The following THSD7B variants were observed in gnomAD, a reference collection of about 807,000 sequenced individuals.
The protein encoded by THSD7B is thrombospondin type 1 domain containing 7B.
THSD7B carries 138 observed loss-of-function variants against 213.6 expected under a neutral mutation model. The observed-to-expected ratio is 0.65, with a 90% CI of 0.56 to 0.74. The LOEUF (loss-of-function observed/expected upper bound fraction) is 0.74, where lower values mean the gene tolerates loss of function less well. Ranked by LOEUF, THSD7B falls within the 30% of genes least tolerant of loss-of-function variation. THSD7B has a pLI of 0.00. For missense variants in THSD7B, 1,931 were observed against 1,991.5 expected (o/e 0.97, Z 0.58); for synonymous variants, 742 against 687.0 (o/e 1.08, Z -1.25).
chr2:137,362,280 T>G (rs555437651), intron 12 of THSD7B, among the ~76,000 whole-genome samples: 2 of 152,240 alleles, frequency 1.3e-5, no homozygotes, highest in Admixed American at 1.3e-4. Context: ...TGCAAAAACA[T>G]GCCAAATTGT....
chr2:136,976,324 T>C (rs554394025), intron 2 of THSD7B, among the ~76,000 whole-genome samples: 1 of 152,308 alleles, frequency 6.6e-6, no homozygotes, highest in African/African-American at 2.4e-5. Flanking sequence ...ATGAATCTTA[T>C]TATTTAGAGG....
At chr2:136,999,086 C>T (rs896394801) in intron 2 of THSD7B, among the ~76,000 whole-genome samples, 2 of 151,964 alleles carry the variant, frequency 1.3e-5, no homozygotes, top group Non-Finnish European at 2.9e-5. Flanking sequence ...TTATGTATTC[C>T]TTATTTAAGG....
Position 137,375,730 on chromosome 2 carries a change from G to A in THSD7B, c.2501-29883G>A, listed in dbSNP as rs1054479892. 5.3e-5 allele frequency among the ~76,000 whole-genome samples: 8 copies of A among 152,262 alleles called. No individual in the cohort carries two copies. In the East Asian group the frequency reaches 7.7e-4, roughly 15 times the overall value. On this transcript the variant is annotated intron_variant, in intron 12 of 27. Coordinates refer to ENST00000409968, the MANE Select transcript of THSD7B (RefSeq NM_001316349.2). ...TTTTTATAAAGAATGTAGCAAATGCGTGGTCTCCAGAGAAACCAAAGAAGA... is the reference window on the plus strand; with the variant it reads ...TTTTTATAAAGAATGTAGCAAATGCATGGTCTCCAGAGAAACCAAAGAAGA...
chr2:137,489,842 C>T (rs1206080919), intron 15 of THSD7B, among the ~76,000 whole-genome samples: 1 of 152,172 alleles, frequency 6.6e-6, no homozygotes, highest in Admixed American at 6.5e-5. Context: ...AAAACCTCTC[C>T]CTCCTTTACT....
Position 137,160,200 on chromosome 2 carries a change from T to A in THSD7B, c.1370-13T>A. The A allele has an allele frequency of 1.2e-6, 2 of 1,607,198 alleles. No homozygotes were observed. Among genetic ancestry groups the A allele is most frequent in the Non-Finnish European group, 1.7e-6 (2 of 1,176,942 alleles). Reference sequence around the variant, plus strand: ...GAGAATGTGACATGGTCCGTTATCTTTTTGTCCCTCAGTCTCTAGACCTGT... The same window carrying A: ...GAGAATGTGACATGGTCCGTTATCTATTTGTCCCTCAGTCTCTAGACCTGT... On this transcript the variant is annotated splice_polypyrimidine_tract_variant and intron_variant, in intron 5 of 27. Transcript: ENST00000409968.
intron 20 of THSD7B, among the ~76,000 whole-genome samples, chr2:137,624,970 A>C (rs1214717600): frequency 6.6e-6 from 1 of 152,210 alleles, no homozygotes; most frequent in Non-Finnish European, 1.5e-5. Flanking sequence ...CGATCCCATT[A>C]CTGGGTATAT....
chr2:137,501,813 A>T (rs16855781), intron 15 of THSD7B, among the ~76,000 whole-genome samples: 33,297 of 152,144 alleles, frequency 0.22, 3,874 homozygotes, highest in South Asian at 0.39. Flanking sequence ...TAGCAGAGAT[A>T]AGTTAAATTT....
At chr2:137,540,831 A>T (rs1030848876) in intron 15 of THSD7B, among the ~76,000 whole-genome samples, 2 of 151,864 alleles carry the variant, frequency 1.3e-5, no homozygotes, top group Non-Finnish European at 3.0e-5. Flanking sequence ...AGAGAATGAG[A>T]TGTTCACAGG....
At chr2:136,906,936 G>GTTTTTTTTTTTTTTTTTTTTTTTTT (rs57887270) in intron 2 of THSD7B, among the ~76,000 whole-genome samples, 1 of 55,096 alleles carries the variant, frequency 1.8e-5, no homozygotes, top group African/African-American at 8.9e-5. Context: ...ACATTTCAAG[G>GTTTTTTTTTTTTTTTTTTTTTTTTT]TTTTTTTTTT....
At chr2:137,226,637 G>A (rs1467857139) in intron 7 of THSD7B, among the ~76,000 whole-genome samples, 1 of 151,734 alleles carries the variant, frequency 6.6e-6, no homozygotes, top group Non-Finnish European at 1.5e-5. Context: ...AGTGTGAACT[G>A]TAGCCAGAGC....
At chr2:137,371,817 C>A (rs1481248462) in intron 12 of THSD7B, among the ~76,000 whole-genome samples, 1 of 151,864 alleles carries the variant, frequency 6.6e-6, no homozygotes, top group African/African-American at 2.4e-5. Flanking sequence ...GCTAAATATT[C>A]TTTTCTCATA....
chr2:136,826,094 T>C (rs983399773), intron 1 of THSD7B, among the ~76,000 whole-genome samples: 8 of 152,192 alleles, frequency 5.3e-5, no homozygotes, highest in Non-Finnish European at 7.3e-5. Flanking sequence ...GGACTCATTA[T>C]ACATAAATTA....
intron 12 of THSD7B, among the ~76,000 whole-genome samples, chr2:137,359,941 A>G (rs1184669312): frequency 1.3e-5 from 2 of 152,222 alleles, no homozygotes; most frequent in Non-Finnish European, 2.9e-5. Flanking sequence ...TAAGTACATC[A>G]CTTGTAATAC....
At chr2:137,000,352 A>G (rs554504455) in intron 2 of THSD7B, among the ~76,000 whole-genome samples, 9 of 152,294 alleles carry the variant, frequency 5.9e-5, no homozygotes, top group African/African-American at 2.2e-4. Context: ...CTGTGTTGTC[A>G]TCATAGAACC....
Position 137,107,432 on chromosome 2 carries a change from C to T in THSD7B, c.1200-7692C>T, listed in dbSNP as rs984804307. On this transcript the variant is annotated intron_variant, in intron 4 of 27. Coordinates refer to ENST00000409968, the MANE Select transcript of THSD7B (RefSeq NM_001316349.2). ...GGATAGCATTAGGAGAAATACGTAA[C>T]GTAGATGATGGGTTGACAGGTGCAG... 8.5e-5 allele frequency among the ~76,000 whole-genome samples: 13 copies of T among 152,082 alleles called. No homozygotes were observed. In the East Asian group the frequency reaches 9.7e-4, roughly 11 times the overall value.
chr2:137,048,216 A>G (rs546435633), intron 2 of THSD7B, among the ~76,000 whole-genome samples: 133 of 152,282 alleles, frequency 8.7e-4, no homozygotes, highest in Admixed American at 2.0e-3. Context: ...TTTATAATGC[A>G]TTTTGAAAGT....
chr2:137,264,495 AC>A (rs2105086240), intron 10 of THSD7B, among the ~76,000 whole-genome samples: 1 of 152,154 alleles, frequency 6.6e-6, no homozygotes, highest in Admixed American at 6.5e-5. Context: ...TGATCCGCCC[AC>A]CTCAGCCTCC....
intron 1 of THSD7B, among the ~76,000 whole-genome samples, chr2:136,788,852 T>C (rs1192624812): frequency 6.6e-6 from 1 of 152,180 alleles, no homozygotes; most frequent in Non-Finnish European, 1.5e-5. Context: ...TCTCCTTATC[T>C]GGTTAAATGA....
Position 136,869,122 on chromosome 2 carries a change from G to C in THSD7B, c.-35-13022G>C, listed in dbSNP as rs144391155. 2.2e-3 allele frequency among the ~76,000 whole-genome samples: 329 copies of C among 152,160 alleles called. 2 individuals carry two copies. Among genetic ancestry groups the C allele is most frequent in the African/African-American group, 7.6e-3 (314 of 41,540 alleles). ...GTAAAAAAAGTTCTCCACTTGAGTAGATTTAAAGTATAGGCAATTTAGAAC... is the reference window on the plus strand; with the variant it reads ...GTAAAAAAAGTTCTCCACTTGAGTACATTTAAAGTATAGGCAATTTAGAAC... On this transcript the variant is annotated intron_variant, in intron 1 of 27. Transcript: ENST00000409968.
Sources: gnomAD v4.1 joint callset for allele counts (sites outside exome capture counted in the v4.1 genomes callset) on GRCh38, gnomAD v4.1.1 for gene constraint, MANE v1.5 for transcripts, NCBI Gene and HGNC (gene_info 2026-07-23, HGNC 2026-07-21) for gene names.